The following TNIK variants were observed in gnomAD, a reference collection of about 807,000 sequenced individuals.
TNIK encodes the protein TRAF2 and NCK-interacting protein kinase.
A neutral mutation model predicts 191.3 loss-of-function variants in TNIK; 49 were observed. That is an observed-to-expected ratio of 0.26 (90% CI 0.20 to 0.32). The LOEUF is 0.32. Among genes scored for constraint, TNIK ranks in the 10% least tolerant of loss-of-function variants. TNIK has a pLI of 1.00. For missense variants in TNIK, 1,155 were observed against 1,702.3 expected (o/e 0.68, Z 5.66); for synonymous variants, 594 against 600.9 (o/e 0.99, Z 0.17).
At position 171,093,824 on chromosome 3, in the gene TNIK, T is replaced by C. The variant is rs539506889; in HGVS notation, c.2721+15A>G. The C allele has an allele frequency of 2.4e-5, 39 of 1,612,924 alleles. No homozygotes were observed. The South Asian group carries it at 4.1e-4, about 17-fold the overall frequency. On this transcript the variant is annotated intron_variant, in intron 23 of 32. Transcript: ENST00000436636. ...GAAATGGCATTTCCTCTACACAGTT[T>C]TTATACCAACTTACCTCTCTAATCA... is the stretch of plus-strand genomic sequence containing the variant.
intron 12 of TNIK, among the ~76,000 whole-genome samples, chr3:171,155,595 G>C (rs16855920): frequency 0.021 from 3,219 of 152,308 alleles, 113 homozygotes; most frequent in African/African-American, 0.073. Context: ...GCCTCAGTGA[G>C]CTGAACTCTG....
intron 14 of TNIK, 23 bp downstream of exon 14, chr3:171,139,447 C>T: frequency 6.2e-7 from 1 of 1,608,912 alleles, no homozygotes; most frequent in Non-Finnish European, 8.5e-7. Flanking sequence ...AGCAGGTCAG[C>T]TGGTTCTTGG....
chr3:171,433,071 ACT>A (rs1483275520), intron 1 of TNIK, among the ~76,000 whole-genome samples: 3 of 152,170 alleles, frequency 2.0e-5, no homozygotes, highest in Admixed American at 6.5e-5. Context: ...ATTTAACTTG[ACT>A]CTTTTTTATG....
At chr3:171,431,118 A>G (rs1315748053) in intron 1 of TNIK, among the ~76,000 whole-genome samples, 1 of 152,088 alleles carries the variant, frequency 6.6e-6, no homozygotes, top group Non-Finnish European at 1.5e-5. Flanking sequence ...TAAGCAAAGA[A>G]TCTTCTTTTG....
intron 12 of TNIK, among the ~76,000 whole-genome samples, chr3:171,152,776 GT>G (rs11346783): frequency 0.75 from 104,885 of 139,678 alleles, 38,850 homozygotes; most frequent in Middle Eastern, 0.85. Context: ...TTTGTTTTTT[GT>G]TTTTTTTTTT....
chr3:171,382,218 C>CTTTTTTTTTTTTTT (rs63626462), intron 1 of TNIK, among the ~76,000 whole-genome samples: 5 of 99,150 alleles, frequency 5.0e-5, no homozygotes, highest in East Asian at 3.4e-4. Flanking sequence ...TTGAATACAT[C>CTTTTTTTTTTTTTT]TTTTTTTTTT....
At chr3:171,415,783 T>G (rs1431286903) in intron 1 of TNIK, among the ~76,000 whole-genome samples, 2 of 150,926 alleles carry the variant, frequency 1.3e-5, no homozygotes. Context: ...GAGTTTGAAA[T>G]CAGCCTGGCC....
At chr3:171,422,674 T>C (rs1723984985) in intron 1 of TNIK, among the ~76,000 whole-genome samples, 1 of 152,206 alleles carries the variant, frequency 6.6e-6, no homozygotes, top group African/African-American at 2.4e-5. Flanking sequence ...ATGAATACCA[T>C]GGGACCCTAA....
chr3:171,436,189 G>GACAA (rs1726011620), intron 1 of TNIK, among the ~76,000 whole-genome samples: 1 of 152,002 alleles, frequency 6.6e-6, no homozygotes, highest in African/African-American at 2.4e-5. Flanking sequence ...CATCTACCCT[G>GACAA]GTGCTCTGAC....
intron 12 of TNIK, among the ~76,000 whole-genome samples, chr3:171,142,192 G>A (rs140507603): frequency 9.2e-5 from 14 of 152,330 alleles, no homozygotes; most frequent in Non-Finnish European, 1.5e-4. Context: ...AGAGCTATTG[G>A]AGGACTTCAT....
At chr3:171,228,323 G>A in intron 2 of TNIK, 102 bp from the exon 3 acceptor site, 3 of 1,146,956 alleles carry the variant, frequency 2.6e-6, no homozygotes, top group Non-Finnish European at 3.8e-6. Flanking sequence ...GCTGTACTAT[G>A]TCAATGGGGG....
At position 171,079,649 on chromosome 3, in the gene TNIK, T is replaced by C. The variant is rs1239660951; in HGVS notation, c.3317A>G (p.Lys1106Arg). The part of the protein sequence containing the change: ...GLNVLVTISG[K>R]KNKLRVYYLS... ...ATAGTAAACTCGTAGCTTATTCTTC[T>C]TTCCTGTTGAAATAATAGAGGTTTA... Residue 1106 changes from lysine to arginine, a missense_variant, in exon 28 of 33, where the codon AAG becomes AGG. Coordinates refer to ENST00000436636, the MANE Select transcript of TNIK (RefSeq NM_015028.4). 3 of 1,607,226 alleles carry C rather than the reference T, an allele frequency of 1.9e-6. No individual in the cohort carries two copies. The highest frequency in any genetic ancestry group is 1.1e-5 in the South Asian group (1 of 89,410).
intron 2 of TNIK, among the ~76,000 whole-genome samples, chr3:171,330,782 C>T (rs1036587681): frequency 2.6e-5 from 4 of 152,150 alleles, no homozygotes; most frequent in African/African-American, 9.7e-5. Flanking sequence ...CCTGACCTAC[C>T]TTTCGAATTA....
chr3:171,252,383 C>T lies in TNIK; in HGVS notation c.124-24162G>A, dbSNP rs1420156904. ...AAAATTAACTGTGCACTTATATAGGCAGATGTAATTAAAAATGAGGGGAGG... is the reference window on the plus strand; with the variant it reads ...AAAATTAACTGTGCACTTATATAGGTAGATGTAATTAAAAATGAGGGGAGG... On this transcript the variant is annotated intron_variant, in intron 2 of 32. Transcript: ENST00000436636. Among the ~76,000 whole-genome samples, 3 of 152,206 alleles carry T rather than the reference C, an allele frequency of 2.0e-5. No individual in the cohort carries two copies. The East Asian group carries it at 5.8e-4, about 29-fold the overall frequency.
At chr3:171,226,031 T>C (rs1209553852) in intron 3 of TNIK, among the ~76,000 whole-genome samples, 3 of 152,198 alleles carry the variant, frequency 2.0e-5, no homozygotes, top group African/African-American at 7.2e-5. Context: ...CTTTGTAAAA[T>C]GTTTACACGT....
chr3:171,432,479 A>G (rs1166976523), intron 1 of TNIK, among the ~76,000 whole-genome samples: 1 of 152,206 alleles, frequency 6.6e-6, no homozygotes, highest in Non-Finnish European at 1.5e-5. Context: ...AACAAACCCT[A>G]TATCTATGCC....
Position 171,314,266 on chromosome 3 carries a change from C to T in TNIK, c.123+55354G>A, listed in dbSNP as rs182591698. 1.3e-3 allele frequency among the ~76,000 whole-genome samples: 199 copies of T among 152,250 alleles called. 1 individual carries two copies. The highest frequency in any genetic ancestry group is 4.6e-3 in the African/African-American group (193 of 41,546). ...GAGAACCTCTACTTTAGCCTTATCC[C>T]TCTATACTCAGAGCCACAGTGGCCT... On this transcript the variant is annotated intron_variant, in intron 2 of 32. Coordinates refer to ENST00000436636, the MANE Select transcript of TNIK (RefSeq NM_015028.4).
chr3:171,102,762 C>A (rs1029076705), intron 21 of TNIK, among the ~76,000 whole-genome samples: 2 of 152,120 alleles, frequency 1.3e-5, no homozygotes, highest in South Asian at 4.1e-4. Context: ...TTATTTCAAT[C>A]CAGAAATGTA....
intron 2 of TNIK, among the ~76,000 whole-genome samples, chr3:171,306,157 A>G (rs2108285843): frequency 6.6e-6 from 1 of 152,300 alleles, no homozygotes; most frequent in African/African-American, 2.4e-5. Flanking sequence ...GTGGGAGCTA[A>G]ATAATGAGAA....
Sources: gnomAD v4.1 joint callset for allele counts (sites outside exome capture counted in the v4.1 genomes callset) on GRCh38, gnomAD v4.1.1 for gene constraint, MANE v1.5 for transcripts, NCBI Gene and HGNC (gene_info 2026-07-23, HGNC 2026-07-21) for gene names.